The following SNX13 variants were observed in gnomAD, a reference collection of about 807,000 sequenced individuals.
SNX13 encodes the protein sorting nexin-13.
A neutral mutation model predicts 133.6 loss-of-function variants in SNX13; 45 were observed. That is an observed-to-expected ratio of 0.34 (90% CI 0.27 to 0.43). SNX13 has a LOEUF of 0.43. Ranked by LOEUF, SNX13 falls within the 20% of genes least tolerant of loss-of-function variation. The probability of loss-of-function intolerance (pLI) is 1.00; values close to 1 mark genes in which losing one functional copy is unlikely to be tolerated. For missense variants in SNX13, 1,032 were observed against 1,145.1 expected (o/e 0.90, Z 1.43); for synonymous variants, 414 against 373.9 (o/e 1.11, Z -1.24).
At position 17,891,592 on chromosome 7, in the gene SNX13, T is replaced by C; in HGVS notation, c.272A>G (p.Asp91Gly). 6.2e-7 allele frequency: 1 copy of C among 1,612,616 alleles called. No homozygotes were observed. The highest frequency in any genetic ancestry group is 8.5e-7 in the Non-Finnish European group (1 of 1,179,072). ...TATATTGGCACCCGTCAATCTTCTA[T>C]CAATCTTAATAGTCCTGGCTTCCCG... ...MKREARTIKI[D>G]RRLTGANIID... Residue 91 changes from aspartate (D) to glycine (G), a missense_variant, in exon 4 of 26, where the codon GAT becomes GGT. Asp to Gly is a moderately conservative substitution (Grantham distance 94, BLOSUM62 -1). Coordinates refer to ENST00000428135, the MANE Select transcript of SNX13 (RefSeq NM_015132.5).
At chr7:17,909,659 TGATGAGAACATATGGACACACA>T (rs140332815) in intron 1 of SNX13, among the ~76,000 whole-genome samples, 58,297 of 151,918 alleles carry the variant, frequency 0.38, 11,580 homozygotes, top group East Asian at 0.6. Flanking sequence ...AGAAGCTGAA[TGATGAGAACATATGGACACACA>T]GATGGGAAAA....
At chr7:17,799,634 G>A (rs931467873) in intron 22 of SNX13, among the ~76,000 whole-genome samples, 4 of 151,586 alleles carry the variant, frequency 2.6e-5, no homozygotes, top group Non-Finnish European at 4.4e-5. Flanking sequence ...TGTACTTTCA[G>A]GAAAAAGATG....
chr7:17,805,361 T>C (rs1344779334), intron 20 of SNX13, among the ~76,000 whole-genome samples: 1 of 152,140 alleles, frequency 6.6e-6, no homozygotes, highest in Non-Finnish European at 1.5e-5. Flanking sequence ...TTTGCAACAC[T>C]GTGGCCTTTC....
intron 9 of SNX13, among the ~76,000 whole-genome samples, chr7:17,855,068 G>A (rs1791716152): frequency 6.6e-6 from 1 of 152,192 alleles, no homozygotes; most frequent in Non-Finnish European, 1.5e-5. Flanking sequence ...CACTTATGGT[G>A]ATATGGAGAA....
intron 5 of SNX13, among the ~76,000 whole-genome samples, chr7:17,887,868 C>A (rs1359616813): frequency 2.7e-5 from 4 of 149,542 alleles, no homozygotes; most frequent in Non-Finnish European, 5.9e-5. Context: ...AAAAAAAAAC[C>A]ACAGTTTTTT....
chr7:17,801,604 G>T lies in SNX13; in HGVS notation c.2282C>A (p.Ala761Asp). The change falls in exon 22 of 26, where the codon GCT becomes GAT. Residue 761 changes from alanine to aspartate, a missense_variant. Coordinates refer to ENST00000428135, the MANE Select transcript of SNX13 (RefSeq NM_015132.5). The stretch of plus-strand genomic sequence containing the variant: ...TTAACTCACATTATCGTCAAGTTGA[G>T]CCGAAACTCGGCGATGTTCAGGGTC... ...DSDPEHRRVS[A>D]QLDDNVDDNI... 1 of 1,608,576 alleles carries T rather than the reference G, an allele frequency of 6.2e-7. No individual in the cohort carries two copies. Among genetic ancestry groups the T allele is most frequent in the African/African-American group, 1.3e-5 (1 of 74,860 alleles).
intron 22 of SNX13, among the ~76,000 whole-genome samples, chr7:17,801,048 A>ATATATGTATATATATATATATATATG (rs1784590313): frequency 4.0e-4 from 11 of 27,536 alleles, no homozygotes; most frequent in African/African-American, 1.3e-3. Context: ...ATATATATAT[A>ATATATGTATATATATATATATATATG]TATATATATA....
intron 21 of SNX13, among the ~76,000 whole-genome samples, chr7:17,802,809 C>G (rs147855931): frequency 6.6e-6 from 1 of 151,960 alleles, no homozygotes; most frequent in Non-Finnish European, 1.5e-5. Context: ...CAAATAACTA[C>G]GTCAAAATGA....
intron 2 of SNX13, among the ~76,000 whole-genome samples, chr7:17,894,907 A>C (rs1320078069): frequency 6.6e-6 from 1 of 152,180 alleles, no homozygotes; most frequent in Non-Finnish European, 1.5e-5. Context: ...TTGGGGGTTG[A>C]GAACATGGAT....
chr7:17,900,726 A>C (rs1797729149), intron 1 of SNX13, among the ~76,000 whole-genome samples: 1 of 151,964 alleles, frequency 6.6e-6, no homozygotes, highest in Non-Finnish European at 1.5e-5. Flanking sequence ...CCTCTGGCTC[A>C]GGGTAGGTCA....
At chr7:17,901,455 T>C (rs1583693010) in intron 1 of SNX13, among the ~76,000 whole-genome samples, 1 of 152,062 alleles carries the variant, frequency 6.6e-6, no homozygotes, top group Non-Finnish European at 1.5e-5. Context: ...TAGCCAGCAG[T>C]GGCAAGGGTT....
intron 5 of SNX13, among the ~76,000 whole-genome samples, chr7:17,883,124 T>G (rs1166802860): frequency 6.6e-6 from 1 of 152,214 alleles, no homozygotes; most frequent in African/African-American, 2.4e-5. Flanking sequence ...GAAATGGTAT[T>G]TAGTGAGCTA....
At chr7:17,801,547 A>G in intron 22 of SNX13, 41 bp downstream of exon 22, 1 of 1,483,528 alleles carries the variant, frequency 6.7e-7, no homozygotes, top group Non-Finnish European at 9.2e-7. Context: ...TATGCCAAGT[A>G]TGACTTAAAC....
chr7:17,833,513 T>C (rs901884851), intron 15 of SNX13, among the ~76,000 whole-genome samples: 3 of 151,638 alleles, frequency 2.0e-5, no homozygotes, highest in Non-Finnish European at 4.4e-5. Flanking sequence ...TTTTTCACTA[T>C]AACATGTAAA....
Position 17,840,016 on chromosome 7 carries a change from C to A in SNX13, c.1166-16G>T. 6.3e-7 allele frequency: 1 copy of A among 1,598,922 alleles called. No individual in the cohort carries two copies. The highest frequency in any genetic ancestry group is 1.1e-5 in the South Asian group (1 of 89,300). ...TGCATGTAATCTAGCAATCAAAAAT[C>A]CATAATAACATAAATATTAGTGTCA... On this transcript the variant is annotated splice_polypyrimidine_tract_variant and intron_variant, in intron 12 of 25. Transcript: ENST00000428135.
At chr7:17,914,399 T>C (rs185405928) in intron 1 of SNX13, among the ~76,000 whole-genome samples, 108 of 152,242 alleles carry the variant, frequency 7.1e-4, no homozygotes, top group African/African-American at 2.5e-3. Flanking sequence ...TCCTGCAAGA[T>C]ACTGTACAAG....
intron 2 of SNX13, among the ~76,000 whole-genome samples, chr7:17,896,804 T>C (rs746510804): frequency 6.6e-6 from 1 of 152,128 alleles, no homozygotes; most frequent in Non-Finnish European, 1.5e-5. Flanking sequence ...ACCTCTCTTG[T>C]AAAGGTTTAT....
chr7:17,891,116 T>C (rs535786941), intron 4 of SNX13, among the ~76,000 whole-genome samples: 2 of 151,954 alleles, frequency 1.3e-5, no homozygotes, highest in East Asian at 1.9e-4. Context: ...CAAACATCAA[T>C]GAAAAATATT....
intron 19 of SNX13, 132 bp downstream of exon 19, chr7:17,816,050 T>A (rs1174570496): frequency 1.7e-5 from 16 of 915,020 alleles, no homozygotes; most frequent in Non-Finnish European, 2.4e-5. Flanking sequence ...ACATTTGACA[T>A]GCTGCACAAA....
Sources: gnomAD v4.1 joint callset for allele counts (sites outside exome capture counted in the v4.1 genomes callset) on GRCh38, gnomAD v4.1.1 for gene constraint, MANE v1.5 for transcripts, NCBI Gene and HGNC (gene_info 2026-07-23, HGNC 2026-07-21) for gene names.